The following SCUBE1 variants were observed in gnomAD, a reference collection of about 807,000 sequenced individuals.
The protein encoded by SCUBE1 is signal peptide, CUB and EGF-like domain-containing protein 1.
In SCUBE1, 59 loss-of-function variants were observed where a neutral mutation model predicts 124.4. That is an observed-to-expected ratio of 0.47 (90% CI 0.38 to 0.59). The LOEUF (loss-of-function observed/expected upper bound fraction) is 0.59. Ranked by LOEUF, SCUBE1 falls within the 20% of genes least tolerant of loss-of-function variation. The pLI is 0.00. For synonymous variants in SCUBE1, 545 were observed against 550.9 expected, an observed-to-expected ratio of 0.99 and a Z score of 0.15; for missense variants, 1,150 against 1,371.2, an observed-to-expected ratio of 0.84 and a Z score of 2.55.
rs570970310 is a variant in SCUBE1, at chr22:43,294,240, T to C, written c.350-3060A>G. ...AGGGGAGGAAATCATGGCTGCCAAATCTCTTGGGTGGCTTGAGGCCATGAC... is the reference window on the plus strand; with the variant it reads ...AGGGGAGGAAATCATGGCTGCCAAACCTCTTGGGTGGCTTGAGGCCATGAC... On this transcript the variant is annotated intron_variant, in intron 3 of 21. Transcript: ENST00000360835. Among the ~76,000 whole-genome samples, 692 of 152,174 alleles carry C rather than the reference T, an allele frequency of 4.5e-3. 5 individuals are homozygous for C. The highest frequency in any genetic ancestry group is 0.015 in the African/African-American group (637 of 41,538).
intron 2 of SCUBE1, among the ~76,000 whole-genome samples, chr22:43,326,800 A>G (rs1456957311): frequency 6.6e-6 from 1 of 151,922 alleles, no homozygotes; most frequent in African/African-American, 2.4e-5. Flanking sequence ...TCAGACCTCC[A>G]CACTTTGACT....
intron 3 of SCUBE1, among the ~76,000 whole-genome samples, chr22:43,306,190 C>T (rs1235152840): frequency 6.6e-6 from 1 of 152,144 alleles, no homozygotes; most frequent in Non-Finnish European, 1.5e-5. Flanking sequence ...GTTGAGATGC[C>T]CTTAATTGTT....
Position 43,214,613 on chromosome 22 carries a change from G to C in SCUBE1, c.1892-362C>G, listed in dbSNP as rs1043108537. 3.9e-5 allele frequency among the ~76,000 whole-genome samples: 6 copies of C among 152,290 alleles called. No homozygotes were observed. In the East Asian group the frequency reaches 5.8e-4, roughly 15 times the overall value. On this transcript the variant is annotated intron_variant, in intron 15 of 21. Transcript: ENST00000360835. ...AACTGCCTCCTGGATGTCGCCACTT[G>C]GATATGCTACAGTCATTTCACCCCG...
At chr22:43,330,189 A>G (rs957922997) in intron 2 of SCUBE1, among the ~76,000 whole-genome samples, 1 of 152,168 alleles carries the variant, frequency 6.6e-6, no homozygotes, top group African/African-American at 2.4e-5. Flanking sequence ...TGTGGCTCCC[A>G]TGTGATGGAT....
intron 2 of SCUBE1, among the ~76,000 whole-genome samples, chr22:43,325,260 T>G (rs1351489356): frequency 6.6e-6 from 1 of 151,774 alleles, no homozygotes; most frequent in Non-Finnish European, 1.5e-5. Context: ...TTGGGGTGTG[T>G]GAGATGAATA....
intron 3 of SCUBE1, among the ~76,000 whole-genome samples, chr22:43,291,462 C>A (rs141683706): frequency 1.9e-5 from 2 of 107,728 alleles, no homozygotes; most frequent in Admixed American, 2.0e-4. Flanking sequence ...GGGTCTCCAT[C>A]GCGCTGTGCT....
At chr22:43,240,713 G>C (rs950278785) in intron 6 of SCUBE1, among the ~76,000 whole-genome samples, 3 of 152,194 alleles carry the variant, frequency 2.0e-5, no homozygotes, top group African/African-American at 7.2e-5. Flanking sequence ...TGGCTTGTTA[G>C]TTTCCTCCCT....
chr22:43,320,116 C>G, intron 2 of SCUBE1, 51 bp from the exon 3 acceptor site: 1 of 1,608,808 alleles, frequency 6.2e-7, no homozygotes, highest in South Asian at 1.1e-5. Flanking sequence ...TGGTGGTCCC[C>G]TCTCCCAACA....
intron 14 of SCUBE1, 41 bp from the exon 15 acceptor site, chr22:43,218,499 C>T (rs1921938652): frequency 6.3e-7 from 1 of 1,591,082 alleles, no homozygotes; most frequent in Non-Finnish European, 8.5e-7. Context: ...CGCTGGCAAC[C>T]TTGCTAGCCG....
intron 2 of SCUBE1, among the ~76,000 whole-genome samples, chr22:43,323,260 A>G (rs964375879): frequency 5.3e-5 from 8 of 152,032 alleles, no homozygotes; most frequent in African/African-American, 9.7e-5. Flanking sequence ...GTGCATGCCT[A>G]TCTACCCAAA....
chr22:43,253,618 A>G (rs1376343063), intron 6 of SCUBE1, among the ~76,000 whole-genome samples: 1 of 151,950 alleles, frequency 6.6e-6, no homozygotes, highest in Non-Finnish European at 1.5e-5. Context: ...CTGCATTCTC[A>G]GGGCCTCCCT....
In SCUBE1 at chr22:43,315,052, G is replaced by A. The variant is rs117181319; in HGVS notation, c.349+4885C>T. 2.7e-3 allele frequency among the ~76,000 whole-genome samples: 404 copies of A among 152,038 alleles called. 1 individual carries two copies. Among genetic ancestry groups the A allele is most frequent in the Non-Finnish European group, 4.3e-3 (295 of 67,998 alleles). On this transcript the variant is annotated intron_variant, in intron 3 of 21. Coordinates refer to ENST00000360835, the MANE Select transcript of SCUBE1 (RefSeq NM_173050.5). ...TAATGTGATAACCCCTAATTTTTAA[G>A]TGTTGACAAATAATTTAATAAGAAC...
At chr22:43,308,551 G>C (rs903786853) in intron 3 of SCUBE1, among the ~76,000 whole-genome samples, 2 of 152,236 alleles carry the variant, frequency 1.3e-5, no homozygotes, top group Non-Finnish European at 2.9e-5. Context: ...TTCGTTAGGG[G>C]TTCCAGGGAG....
chr22:43,270,972 C>T (rs558320994), intron 4 of SCUBE1, among the ~76,000 whole-genome samples: 2 of 152,202 alleles, frequency 1.3e-5, no homozygotes, highest in African/African-American at 2.4e-5. Context: ...CTTCTTCGAG[C>T]CCTGGGTGAG....
At chr22:43,281,683 C>G (rs1397841066) in intron 4 of SCUBE1, among the ~76,000 whole-genome samples, 1 of 152,188 alleles carries the variant, frequency 6.6e-6, no homozygotes, top group East Asian at 1.9e-4. Flanking sequence ...GCCCTCTCCC[C>G]TTGCTGTCCC....
At chr22:43,270,914 T>A (rs1181278599) in intron 4 of SCUBE1, among the ~76,000 whole-genome samples, 4 of 152,224 alleles carry the variant, frequency 2.6e-5, no homozygotes, top group Non-Finnish European at 5.9e-5. Context: ...AGCATGGGAC[T>A]GAAGGTCCTC....
intron 3 of SCUBE1, among the ~76,000 whole-genome samples, chr22:43,298,779 T>G (rs564174204): frequency 4.3e-4 from 66 of 152,276 alleles, no homozygotes; most frequent in Non-Finnish European, 6.3e-4. Flanking sequence ...TCGACTGGGC[T>G]TGGTGGCTCA....
intron 14 of SCUBE1, among the ~76,000 whole-genome samples, chr22:43,219,657 A>G (rs1922002564): frequency 1.3e-5 from 2 of 151,958 alleles, no homozygotes; most frequent in African/African-American, 4.8e-5. Context: ...TATTTTTAGT[A>G]GAGACAGGGT....
At chr22:43,326,551 C>T (rs1469653288) in intron 2 of SCUBE1, among the ~76,000 whole-genome samples, 2 of 152,124 alleles carry the variant, frequency 1.3e-5, no homozygotes, top group Non-Finnish European at 2.9e-5. Context: ...TGGCATCCAT[C>T]GATCAGGTTT....
Sources: gnomAD v4.1 joint callset for allele counts (sites outside exome capture counted in the v4.1 genomes callset) on GRCh38, gnomAD v4.1.1 for gene constraint, MANE v1.5 for transcripts, NCBI Gene and HGNC (gene_info 2026-07-23, HGNC 2026-07-21) for gene names.